The following UNC13C variants were observed in gnomAD, a reference collection of about 807,000 sequenced individuals.
The protein encoded by UNC13C is unc-13 homolog C.
A neutral mutation model predicts 245.4 loss-of-function variants in UNC13C; 174 were observed. The observed-to-expected ratio is 0.71, with a 90% CI of 0.63 to 0.80. The LOEUF is 0.80. UNC13C is among the 30% of genes least tolerant of loss of function. UNC13C has a pLI of 0.00. For missense variants in UNC13C, 2,829 were observed against 2,602.9 expected (o/e 1.09, Z -1.89); for synonymous variants, 992 against 895.1 (o/e 1.11, Z -1.93).
the UNC13C span, among the ~76,000 whole-genome samples, chr15:53,877,263 G>T: frequency 6.6e-6 from 1 of 152,168 alleles, no homozygotes; most frequent in Non-Finnish European, 1.5e-5. Context: ...TTGCAGCAGA[G>T]CTCTGAAGGA....
chr15:54,177,573 A>G (rs1047331784), intron 4 of UNC13C, among the ~76,000 whole-genome samples: 1 of 152,082 alleles, frequency 6.6e-6, no homozygotes, highest in African/African-American at 2.4e-5. Context: ...AAAACAAGCA[A>G]AGCTTTATTT....
intron 26 of UNC13C, among the ~76,000 whole-genome samples, chr15:54,534,117 C>T (rs539212424): frequency 2.6e-5 from 4 of 152,286 alleles, no homozygotes; most frequent in East Asian, 1.9e-4. Context: ...ACCACTGCAT[C>T]GCTGCCACCA....
rs747948942 is a variant in UNC13C at position 54,014,640 on chromosome 15, G to C, written c.1737G>C (p.Leu579=). The change falls in exon 2 of 33, where the codon CTG becomes CTC. Residue 579 remains leucine, a synonymous_variant. Transcript: ENST00000260323. The part of the protein sequence containing the change: ...FFTRTNGSSL[L]SSSDRELWQR... ...CTAGAACTAATGGAAGCTCTCTCCTGTCATCTTCGGACCGGGAGCTATGGC... is the reference window on the plus strand; with the variant it reads ...CTAGAACTAATGGAAGCTCTCTCCTCTCATCTTCGGACCGGGAGCTATGGC... The C allele has an allele frequency of 6.2e-7, 1 of 1,613,704 alleles. No homozygotes were observed. Among genetic ancestry groups the C allele is most frequent in the South Asian group, 1.1e-5 (1 of 91,060 alleles).
intron 18 of UNC13C, 120 bp downstream of exon 18, chr15:54,393,301 A>T: frequency 1.1e-6 from 1 of 915,398 alleles, no homozygotes; most frequent in South Asian, 4.7e-5. Context: ...AGCTATAGAA[A>T]ATAGTATTTT....
intron 2 of UNC13C, among the ~76,000 whole-genome samples, chr15:54,040,255 GGA>G (rs887540676): frequency 1.3e-5 from 2 of 152,186 alleles, no homozygotes; most frequent in East Asian, 1.9e-4. Flanking sequence ...ATTAAAACTG[GGA>G]GAGAGACTAG....
At chr15:54,111,165 C>T (rs1445502620) in intron 2 of UNC13C, among the ~76,000 whole-genome samples, 1 of 152,154 alleles carries the variant, frequency 6.6e-6, no homozygotes, top group Non-Finnish European at 1.5e-5. Context: ...GAGAAACATC[C>T]TCCTGTTTAT....
At chr15:54,147,781 G>GGTGTGCGCGTGTGTGTGT (rs1555423221) in intron 4 of UNC13C, among the ~76,000 whole-genome samples, 2 of 24,552 alleles carry the variant, frequency 8.1e-5, no homozygotes, top group Non-Finnish European at 2.6e-4. Context: ...AGCATTGCAA[G>GGTGTGCGCGTGTGTGTGT]GTGTGTGCGT....
chr15:53,936,974 C>T, the UNC13C span, among the ~76,000 whole-genome samples: 33,964 of 152,102 alleles, frequency 0.22, 4,798 homozygotes, highest in Non-Finnish European at 0.31. Context: ...AGTGCCTCTT[C>T]TCCTCCAAAT....
At chr15:54,025,095 G>C (rs1896054483) in intron 2 of UNC13C, among the ~76,000 whole-genome samples, 1 of 152,066 alleles carries the variant, frequency 6.6e-6, no homozygotes, top group East Asian at 1.9e-4. Context: ...ATGATCCATA[G>C]GCAATGCCAA....
intron 25 of UNC13C, among the ~76,000 whole-genome samples, chr15:54,527,621 G>A (rs1895536015): frequency 6.6e-6 from 1 of 152,132 alleles, no homozygotes. Context: ...ATAAACCACA[G>A]TTATGAAAGA....
chr15:54,093,711 G>A (rs1899693742), intron 2 of UNC13C, among the ~76,000 whole-genome samples: 1 of 152,266 alleles, frequency 6.6e-6, no homozygotes, highest in Admixed American at 6.5e-5. Context: ...ACTGTTGCTT[G>A]CTGTTGAGCA....
the UNC13C span, among the ~76,000 whole-genome samples, chr15:53,901,167 CATTAA>C: frequency 6.7e-6 from 1 of 150,242 alleles, no homozygotes; most frequent in African/African-American, 2.4e-5. Flanking sequence ...AGAATTTCTC[CATTAA>C]ATTAAAGATT....
chr15:53,992,643 C>A (rs926400199), intron 1 of UNC13C, among the ~76,000 whole-genome samples: 6 of 152,050 alleles, frequency 3.9e-5, no homozygotes, highest in African/African-American at 1.2e-4. Context: ...GCAAATCCAA[C>A]CTGCCCAAGC....
At chr15:54,016,606 C>T (rs1295089697) in intron 2 of UNC13C, among the ~76,000 whole-genome samples, 1 of 146,574 alleles carries the variant, frequency 6.8e-6, no homozygotes, top group Non-Finnish European at 1.5e-5. Flanking sequence ...AGTACCTTAA[C>T]TAACTATTTT....
chr15:54,332,339 T>G (rs375424057), intron 15 of UNC13C, among the ~76,000 whole-genome samples: 35 of 91,064 alleles, frequency 3.8e-4, no homozygotes, highest in African/African-American at 1.2e-3. Flanking sequence ...GTGTGTGTGT[T>G]TGTGTATGCA....
At chr15:54,001,600 G>C (rs1894891010) in intron 1 of UNC13C, among the ~76,000 whole-genome samples, 1 of 152,110 alleles carries the variant, frequency 6.6e-6, no homozygotes, top group South Asian at 2.1e-4. Context: ...CTGCTCAGAT[G>C]GGAATCGTAT....
At chr15:54,184,316 G>A (rs2033899087) in intron 4 of UNC13C, among the ~76,000 whole-genome samples, 1 of 151,858 alleles carries the variant, frequency 6.6e-6, no homozygotes, top group African/African-American at 2.4e-5. Context: ...TGCACAACGT[G>A]CGGGTTTTGT....
chr15:54,394,287 A>G (rs1271945802), intron 18 of UNC13C, among the ~76,000 whole-genome samples: 1 of 151,822 alleles, frequency 6.6e-6, no homozygotes, highest in African/African-American at 2.4e-5. Flanking sequence ...TTGGTATACA[A>G]TCATGATAAT....
intron 12 of UNC13C, 22 bp downstream of exon 12, chr15:54,297,948 A>G: frequency 7.5e-7 from 1 of 1,340,304 alleles, no homozygotes; most frequent in Non-Finnish European, 1.0e-6. Flanking sequence ...GAATTTTACT[A>G]ATACAAAATA....
Sources: gnomAD v4.1 joint callset for allele counts (sites outside exome capture counted in the v4.1 genomes callset) on GRCh38, gnomAD v4.1.1 for gene constraint, MANE v1.5 for transcripts, NCBI Gene and HGNC (gene_info 2026-07-23, HGNC 2026-07-21) for gene names.